LRRC4C: variants seen among roughly 807,000 people sequenced by gnomAD.
LRRC4C encodes leucine-rich repeat-containing protein 4C.
A neutral mutation model predicts 33.6 loss-of-function variants in LRRC4C; 5 were observed. That is an observed-to-expected ratio of 0.15 (90% confidence interval 0.08 to 0.31). LRRC4C has a LOEUF of 0.31. Among genes scored for constraint, LRRC4C ranks in the 10% least tolerant of loss-of-function variants. LRRC4C has a pLI of 1.00. For missense variants in LRRC4C, 560 were observed against 796.7 expected, an observed-to-expected ratio of 0.70 and a Z score of 3.58; for synonymous variants, 329 against 302.0, an observed-to-expected ratio of 1.09 and a Z score of -0.93.
intron 3 of LRRC4C, among the ~76,000 whole-genome samples, chr11:40,342,483 C>G (rs1181372252): frequency 6.6e-6 from 1 of 151,760 alleles, no homozygotes; most frequent in East Asian, 1.9e-4. Flanking sequence ...ACAAAACAAA[C>G]AAACAAAGAA....
chr11:40,753,328 A>C (rs1453727452), intron 2 of LRRC4C, among the ~76,000 whole-genome samples: 13 of 152,014 alleles, frequency 8.6e-5, no homozygotes, highest in Admixed American at 8.5e-4. Flanking sequence ...AAGGTGATGG[A>C]TACCCTCAAA....
intron 4 of LRRC4C, among the ~76,000 whole-genome samples, chr11:40,263,289 C>T (rs1391689801): frequency 6.6e-6 from 1 of 152,062 alleles, no homozygotes; most frequent in Non-Finnish European, 1.5e-5. Flanking sequence ...AACAGTGTGA[C>T]AGAGTTGCCT....
In LRRC4C at chr11:40,739,020, T is replaced by TGC. The variant is rs1948027623; in HGVS notation, c.-406-90743_-406-90742insGC. Among the ~76,000 whole-genome samples the TGC allele has an allele frequency of 4.2e-5, 5 of 119,750 alleles. No homozygotes were observed. The South Asian group carries it at 9.7e-4, about 23-fold the overall frequency. 78.6% of individuals were successfully genotyped at this position (119,750 alleles called of 152,430 possible). ...ACATAATTGCTATTGTGTGTGTGTG[T>TGC]GTGTGTGTATGTGTGTGTGTGTGTG... On this transcript the variant is annotated intron_variant, in intron 2 of 6. Transcript: ENST00000528697.
At chr11:41,199,725 T>C (rs1370247312) in intron 1 of LRRC4C, among the ~76,000 whole-genome samples, 1 of 152,082 alleles carries the variant, frequency 6.6e-6, no homozygotes, top group Non-Finnish European at 1.5e-5. Flanking sequence ...CCAGCGTTTC[T>C]GTGATTGCTA....
intron 3 of LRRC4C, among the ~76,000 whole-genome samples, chr11:40,536,339 G>A (rs370876524): frequency 1.4e-4 from 22 of 152,106 alleles, no homozygotes; most frequent in East Asian, 3.9e-4. Flanking sequence ...GACTACAGGC[G>A]CACACCACCA....
chr11:41,068,385 C>T (rs7931656), intron 1 of LRRC4C, among the ~76,000 whole-genome samples: 75,486 of 151,696 alleles, frequency 0.5, 19,759 homozygotes, highest in South Asian at 0.68. Flanking sequence ...AGTGGGACTC[C>T]GTCCCCTCCC....
intron 1 of LRRC4C, among the ~76,000 whole-genome samples, chr11:41,264,113 G>A (rs986848490): frequency 2.3e-5 from 3 of 129,062 alleles, no homozygotes; most frequent in African/African-American, 9.0e-5. Context: ...TTTTTTTTGA[G>A]ATGGAGTCTC....
intron 1 of LRRC4C, among the ~76,000 whole-genome samples, chr11:41,083,292 G>A (rs1939714152): frequency 6.6e-6 from 1 of 151,890 alleles, no homozygotes; most frequent in Non-Finnish European, 1.5e-5. Context: ...ATTTTCTAGA[G>A]AGTTACCATA....
At chr11:41,217,799 T>C (rs868125365) in intron 1 of LRRC4C, among the ~76,000 whole-genome samples, 9 of 152,174 alleles carry the variant, frequency 5.9e-5, no homozygotes, top group South Asian at 2.1e-4. Flanking sequence ...TACAATGCAA[T>C]AAATTGATGT....
At chr11:41,349,602 A>C (rs1951909698) in intron 1 of LRRC4C, among the ~76,000 whole-genome samples, 1 of 152,090 alleles carries the variant, frequency 6.6e-6, no homozygotes, top group African/African-American at 2.4e-5. Context: ...AATTGACTAA[A>C]CTCAACTTAT....
intron 1 of LRRC4C, among the ~76,000 whole-genome samples, chr11:41,291,544 T>C (rs973108189): frequency 6.6e-6 from 1 of 152,136 alleles, no homozygotes; most frequent in Admixed American, 6.6e-5. Flanking sequence ...GAGCTGGTCC[T>C]AACAATGGGA....
intron 3 of LRRC4C, among the ~76,000 whole-genome samples, chr11:40,610,686 C>G (rs1009574311): frequency 3.3e-5 from 5 of 151,816 alleles, no homozygotes; most frequent in African/African-American, 9.7e-5. Context: ...TTGCAGGATA[C>G]AAGCTCAACA....
At chr11:41,253,267 A>G (rs938682836) in intron 1 of LRRC4C, among the ~76,000 whole-genome samples, 1 of 152,112 alleles carries the variant, frequency 6.6e-6, no homozygotes, top group Non-Finnish European at 1.5e-5. Context: ...AGTAAACACA[A>G]CCACAGAATT....
At chr11:40,219,125 G>A (rs1008514850) in intron 5 of LRRC4C, among the ~76,000 whole-genome samples, 1 of 152,128 alleles carries the variant, frequency 6.6e-6, no homozygotes, top group East Asian at 1.9e-4. Context: ...TCTCAGATGC[G>A]GTAGCCACTA....
chr11:41,124,094 G>A (rs1942615769), intron 1 of LRRC4C, among the ~76,000 whole-genome samples: 1 of 152,086 alleles, frequency 6.6e-6, no homozygotes, highest in Admixed American at 6.5e-5. Context: ...ATCTTTACAA[G>A]AATTCAAGAT....
At chr11:41,267,506 G>A (rs550979147) in intron 1 of LRRC4C, among the ~76,000 whole-genome samples, 3 of 152,244 alleles carry the variant, frequency 2.0e-5, no homozygotes, top group South Asian at 4.1e-4. Context: ...TAAAGGTTAA[G>A]TGGCTAGCAC....
At chr11:41,244,985 G>A (rs927112175) in intron 1 of LRRC4C, among the ~76,000 whole-genome samples, 3 of 152,108 alleles carry the variant, frequency 2.0e-5, no homozygotes, top group Admixed American at 6.5e-5. Flanking sequence ...TAGAAACAAG[G>A]TGTGGTTAAT....
At chr11:40,783,155 A>G (rs985972853) in intron 2 of LRRC4C, among the ~76,000 whole-genome samples, 17 of 152,190 alleles carry the variant, frequency 1.1e-4, no homozygotes, top group African/African-American at 3.9e-4. Flanking sequence ...GCGAAGTTTG[A>G]AATATTGAAC....
intron 3 of LRRC4C, among the ~76,000 whole-genome samples, chr11:40,430,977 T>G: frequency 7.2e-6 from 1 of 139,788 alleles, no homozygotes; most frequent in Non-Finnish European, 1.5e-5. Flanking sequence ...GGGATAGCAT[T>G]GGGAGATATA....
Sources: gnomAD v4.1 joint callset for allele counts (sites outside exome capture counted in the v4.1 genomes callset) on GRCh38, gnomAD v4.1.1 for gene constraint, MANE v1.5 for transcripts, NCBI Gene and HGNC (gene_info 2026-07-23, HGNC 2026-07-21) for gene names.